ADAMTS17: variants seen among roughly 807,000 people sequenced by gnomAD.
The protein encoded by ADAMTS17 is A disintegrin and metalloproteinase with thrombospondin motifs 17.
A neutral mutation model predicts 141.5 loss-of-function variants in ADAMTS17; 113 were observed. The observed-to-expected ratio is 0.80, with a 90% confidence interval of 0.69 to 0.93. ADAMTS17 has a LOEUF of 0.93. Ranked by LOEUF, ADAMTS17 falls within the 40% of genes least tolerant of loss-of-function variation. The pLI is 0.00. For missense variants in ADAMTS17, 1,659 were observed against 1,517.9 expected (o/e 1.09, Z -1.54); for synonymous variants, 768 against 630.6 (o/e 1.22, Z -3.27).
At chr15:100,012,827 A>G (rs1396377913) in intron 18 of ADAMTS17, among the ~76,000 whole-genome samples, 1 of 152,160 alleles carries the variant, frequency 6.6e-6, no homozygotes, top group Non-Finnish European at 1.5e-5. Context: ...TGATGCCTCC[A>G]GATTTGTTCT....
At chr15:100,189,439 G>A (rs770747401) in intron 8 of ADAMTS17, among the ~76,000 whole-genome samples, 3 of 152,122 alleles carry the variant, frequency 2.0e-5, no homozygotes, top group Admixed American at 1.3e-4. Flanking sequence ...GACATCCCTG[G>A]GTCATCACAG....
At chr15:100,210,562 C>T (rs996466544) in intron 7 of ADAMTS17, among the ~76,000 whole-genome samples, 37 of 152,228 alleles carry the variant, frequency 2.4e-4, no homozygotes, top group African/African-American at 6.8e-4. Flanking sequence ...TAAAGCACTA[C>T]ATCAGAGACC....
At chr15:100,106,975 G>C (rs957017205) in intron 14 of ADAMTS17, among the ~76,000 whole-genome samples, 9 of 152,202 alleles carry the variant, frequency 5.9e-5, no homozygotes, top group Admixed American at 3.3e-4. Context: ...GCTGTGCCAA[G>C]ACTCTTGGGC....
chr15:100,285,509 G>A (rs923651053), intron 3 of ADAMTS17, among the ~76,000 whole-genome samples: 1 of 152,218 alleles, frequency 6.6e-6, no homozygotes, highest in African/African-American at 2.4e-5. Context: ...TATTTGGCAT[G>A]AAAATTCAAA....
At chr15:100,187,749 G>C (rs1214620299) in intron 8 of ADAMTS17, among the ~76,000 whole-genome samples, 1 of 152,164 alleles carries the variant, frequency 6.6e-6, no homozygotes, top group Non-Finnish European at 1.5e-5. Flanking sequence ...TTCACACATG[G>C]TCCCTGGCAG....
chr15:100,045,735 G>A (rs914644257), intron 18 of ADAMTS17, among the ~76,000 whole-genome samples: 6 of 152,104 alleles, frequency 3.9e-5, no homozygotes, highest in African/African-American at 1.4e-4. Context: ...AAAGATGGCG[G>A]GTAACTATCA....
chr15:100,096,303 G>A (rs1023914543), intron 15 of ADAMTS17, 53 bp downstream of exon 15: 2 of 1,608,308 alleles, frequency 1.2e-6, no homozygotes, highest in South Asian at 1.1e-5. Context: ...AATAGCTGTA[G>A]GCAAAGGACA....
In ADAMTS17 at chr15:99,993,501, G is replaced by C. The variant is rs1032888640; in HGVS notation, c.2797-301C>G. Among the ~76,000 whole-genome samples, 1 of 152,164 alleles carries C rather than the reference G, an allele frequency of 6.6e-6. No homozygotes were observed. Among genetic ancestry groups the C allele is most frequent in the Non-Finnish European group, 1.5e-5 (1 of 68,026 alleles). On this transcript the variant is annotated intron_variant, in intron 19 of 21. Coordinates refer to ENST00000268070, the MANE Select transcript of ADAMTS17 (RefSeq NM_139057.4). The surrounding 1 kb of genome is among the most constrained non-coding windows in gnomAD (Gnocchi z 4.3). ...CAGTGGCCACTTGTCGGGTCCAAAA[G>C]CTCAAGGCAATACGTGAGCTCGAAG... is the stretch of plus-strand genomic sequence containing the variant.
chr15:99,985,878 C>T (rs570182759), intron 20 of ADAMTS17, among the ~76,000 whole-genome samples: 1 of 152,342 alleles, frequency 6.6e-6, no homozygotes, highest in East Asian at 1.9e-4. Context: ...TAGTCTTACC[C>T]TCTACCTGCA....
intron 19 of ADAMTS17, among the ~76,000 whole-genome samples, chr15:99,994,668 G>T (rs548132384): frequency 2.9e-4 from 44 of 152,306 alleles, no homozygotes; most frequent in African/African-American, 1.0e-3. Flanking sequence ...CCGGGTTCAA[G>T]CGATTCTCCT....
chr15:100,298,630 G>A (rs777641730), intron 3 of ADAMTS17, among the ~76,000 whole-genome samples: 1 of 152,132 alleles, frequency 6.6e-6, no homozygotes, highest in African/African-American at 2.4e-5. Flanking sequence ...CATATACATT[G>A]CATTAGGGAA....
intron 10 of ADAMTS17, among the ~76,000 whole-genome samples, chr15:100,144,629 T>C (rs2038813926): frequency 6.6e-6 from 1 of 151,934 alleles, no homozygotes; most frequent in African/African-American, 2.4e-5. Context: ...ACCGGCAACA[T>C]TCAGTATGGA....
rs56705662 is a variant in ADAMTS17, at chr15:100,177,990, T to TC, written c.1181+21327dup. Among the ~76,000 whole-genome samples, 16 of 152,224 alleles carry TC rather than the reference T, an allele frequency of 1.1e-4. No individual in the cohort carries two copies. In the East Asian group the frequency reaches 2.9e-3, roughly 28 times the overall value. ...ATTAATATAGCGATTCCTGTTTTTT[T>TC]CCCACAATGAATGTTTTCATGATGT... On this transcript the variant is annotated intron_variant, in intron 8 of 21. Transcript: ENST00000268070.
intron 6 of ADAMTS17, 35 bp from the exon 7 acceptor site, chr15:100,254,214 A>G: frequency 6.3e-7 from 1 of 1,584,132 alleles, no homozygotes; most frequent in Non-Finnish European, 8.7e-7. Context: ...AGGTATATGC[A>G]GTATCCCCAA....
chr15:100,299,520 A>C (rs199571773), intron 3 of ADAMTS17, among the ~76,000 whole-genome samples: 15,396 of 151,810 alleles, frequency 0.1, 1,258 homozygotes, highest in East Asian at 0.31. Context: ...AAAGAAAAAA[A>C]AAAAAAAAGA....
intron 15 of ADAMTS17, among the ~76,000 whole-genome samples, chr15:100,083,794 C>A (rs1468587723): frequency 6.6e-6 from 1 of 150,884 alleles, no homozygotes; most frequent in Non-Finnish European, 1.5e-5. Context: ...AATAGTGATG[C>A]TGGCATGCCA....
chr15:100,250,405 C>T (rs886414327), intron 7 of ADAMTS17, among the ~76,000 whole-genome samples: 1 of 152,166 alleles, frequency 6.6e-6, no homozygotes, highest in African/African-American at 2.4e-5. Flanking sequence ...AATCTCTTAG[C>T]ATTGGCAAGC....
chr15:100,083,223 G>C (rs969621717), intron 15 of ADAMTS17, among the ~76,000 whole-genome samples: 1 of 152,152 alleles, frequency 6.6e-6, no homozygotes, highest in African/African-American at 2.4e-5. Flanking sequence ...CCTGTGAACA[G>C]ATAAAGTCTC....
chr15:100,104,602 T>C (rs1372973663), intron 14 of ADAMTS17, among the ~76,000 whole-genome samples: 6 of 152,192 alleles, frequency 3.9e-5, no homozygotes, highest in Admixed American at 6.5e-5. Context: ...GCACAATTTA[T>C]AGCTGAAGGG....
Sources: allele counts gnomAD v4.1 joint callset (sites outside exome capture counted in the v4.1 genomes callset), GRCh38; gene constraint gnomAD v4.1.1; non-coding constraint Gnocchi (gnomAD v3.1); transcripts MANE v1.5; gene names NCBI Gene and HGNC (gene_info 2026-07-23, HGNC 2026-07-21).